SNRNP35: variants seen among roughly 807,000 people sequenced by gnomAD.
SNRNP35 encodes U11/U12 small nuclear ribonucleoprotein 35 kDa protein.
In SNRNP35, 16 loss-of-function variants were observed where a neutral mutation model predicts 24.3. The ratio of observed to expected loss-of-function variants is 0.66; its 90% CI spans 0.45 to 1.00. SNRNP35 has a LOEUF of 1.00. Ranked by LOEUF, SNRNP35 falls within the 50% of genes least tolerant of loss-of-function variation. SNRNP35 has a pLI of 0.00. For synonymous variants in SNRNP35, 106 were observed against 124.8 expected, an observed-to-expected ratio of 0.85 and a Z score of 1.00; for missense variants, 292 against 327.2, an observed-to-expected ratio of 0.89 and a Z score of 0.83.
At position 123,465,395 on chromosome 12, in the gene SNRNP35, GA is replaced by G. The variant is rs1880889220; in HGVS notation, c.-3-142del. ...GTCTCCCCCACTTACTAGCAGGGAG[GA>G]CTTAGCCTCTGTGGGTGTTCCCTTC... On this transcript the variant is annotated intron_variant, in intron 1 of 1. Transcript: ENST00000526639. This position sits in a 1 kb window ranked among gnomAD's most constrained non-coding sequence, Gnocchi z 4.2. The G allele has an allele frequency of 1.0e-6, 1 of 971,786 alleles. No individual in the cohort carries two copies. The highest frequency in any genetic ancestry group is 2.8e-5 in the East Asian group (1 of 36,018). The allele number at this position is 971,786 out of a possible 1,614,324, so 60.2% of individuals were successfully genotyped here.
chr12:123,472,765 A>G (rs1881283094), exon 2 of SNRNP35: 1 of 1,447,694 alleles, frequency 6.9e-7, no homozygotes, highest in Non-Finnish European at 9.4e-7. Context: ...GGAGACATAT[A>G]GCAGCAAACT....
chr12:123,472,653 C>G, exon 2 of SNRNP35: 1 of 1,598,436 alleles, frequency 6.3e-7, no homozygotes, highest in Non-Finnish European at 8.5e-7. Context: ...GTTGGCCAGG[C>G]GCTTCTTATC....
intron 1 of SNRNP35, chr12:123,464,998 G>A (rs570861934): frequency 6.6e-6 from 1 of 152,270 alleles, no homozygotes; most frequent in Admixed American, 6.5e-5. Flanking sequence ...TTATCTGGGG[G>A]CAGATTATTC....
chr12:123,472,486 T>G, exon 2 of SNRNP35: 1 of 1,546,328 alleles, frequency 6.5e-7, no homozygotes, highest in Non-Finnish European at 8.7e-7. Context: ...GCAGTTCGGT[T>G]GCAGGCGCTG....
Position 123,458,190 on chromosome 12 carries a change from T to G in SNRNP35, c.-30T>G. ...GCCTGCAGCTGCTCGCCTGTCTCCG[T>G]CGGAAGGGAGCCCAAGCTTTGCAGA... On this transcript the variant is annotated 5_prime_UTR_variant, in exon 1 of 2. Transcript: ENST00000526639. The G allele has an allele frequency of 1.0e-6, 1 of 985,352 alleles. No homozygotes were observed. The highest frequency in any genetic ancestry group is 1.2e-6 in the Non-Finnish European group (1 of 829,964). 61.0% of individuals were successfully genotyped at this position (985,352 alleles called of 1,614,324 possible). A position where few individuals can be genotyped will look rare whatever the true frequency, so the allele number is the denominator to read the frequency against.
rs1880972592 is a variant in SNRNP35 at position 123,466,191 on chromosome 12, C to T, written c.651C>T (p.Thr217=). 1.3e-6 allele frequency: 2 copies of T among 1,598,016 alleles called. No homozygotes were observed. Among genetic ancestry groups the T allele is most frequent in the Admixed American group, 1.8e-5 (1 of 56,702 alleles). Residue 217 remains threonine, a synonymous_variant, in exon 2 of 2, where the codon ACC becomes ACT. Transcript: ENST00000526639. ...REKRWQEREP[T]RVWPDNDWER... is the part of the protein sequence containing the mutation. ...AGAGATGGCAAGAAAGAGAGCCGAC[C>T]AGGGTGTGGCCCGACAATGACTGGG...
rs922755892 is a variant in SNRNP35, at chr12:123,465,735, C to A, written c.195C>A (p.Asp65Glu). 3 of 1,613,696 alleles carry A rather than the reference C, an allele frequency of 1.9e-6. No homozygotes were observed. In the African/African-American group the frequency reaches 4.0e-5, roughly 22 times the overall value. ...VARLNLQTKE[D>E]KLKEVFSRYG... ...GACTAAACTTGCAGACCAAGGAGGA[C>A]AAATTAAAGGAAGTCTTTTCCCGCT... is the stretch of plus-strand genomic sequence containing the variant. The change falls in exon 2 of 2, where the codon GAC becomes GAA. Residue 65 changes from aspartate (D) to glutamate (E), a missense_variant. Coordinates refer to ENST00000526639, the MANE Select transcript of SNRNP35 (RefSeq NM_022717.4). This position sits in a 1 kb window ranked among gnomAD's most constrained non-coding sequence, Gnocchi z 4.2.
chr12:123,461,984 T>C (rs909535424), intron 1 of SNRNP35, among the ~76,000 whole-genome samples: 12 of 152,142 alleles, frequency 7.9e-5, no homozygotes, highest in Non-Finnish European at 1.6e-4. Flanking sequence ...CCTCCCAAGA[T>C]GCTGGGATTA....
At position 123,466,218 on chromosome 12, in the gene SNRNP35, G is replaced by C; in HGVS notation, c.678G>C (p.Glu226Asp). ...GGGTGTGGCCCGACAATGACTGGGA[G>C]AGAGAGAGGGACTTCAGAGATGACA... The part of the protein sequence containing the change: ...PTRVWPDNDW[E>D]RERDFRDDRI... Residue 226 changes from glutamate to aspartate, a missense_variant, in exon 2 of 2, where the codon GAG becomes GAC. Coordinates refer to ENST00000526639, the MANE Select transcript of SNRNP35 (RefSeq NM_022717.4). 6.4e-7 allele frequency: 1 copy of C among 1,560,002 alleles called. No individual in the cohort carries two copies.
At chr12:123,470,690 A>C (rs1357577707), downstream of SNRNP35, 1 of 152,288 alleles carries the variant, frequency 6.6e-6, no homozygotes, top group African/African-American at 2.4e-5. Flanking sequence ...AGGCTCAGGC[A>C]TGAGAATTGC....
At chr12:123,463,650 T>G (rs1001034928) in intron 1 of SNRNP35, among the ~76,000 whole-genome samples, 1 of 152,146 alleles carries the variant, frequency 6.6e-6, no homozygotes, top group Non-Finnish European at 1.5e-5. Context: ...TCTGCCCACC[T>G]TGGCCTCCCA....
intron 1 of SNRNP35, among the ~76,000 whole-genome samples, chr12:123,463,783 G>C (rs1316260224): frequency 7.3e-6 from 1 of 137,770 alleles, no homozygotes. Context: ...TTTTTTTTTT[G>C]AGACAGAGCC....
chr12:123,472,199 A>G (rs1027514376), exon 2 of SNRNP35: 5 of 269,724 alleles, frequency 1.9e-5, no homozygotes, highest in Non-Finnish European at 3.6e-5. Flanking sequence ...TCAAACAGCA[A>G]TGATAGTGGC....
chr12:123,466,255 A>C lies in SNRNP35; in HGVS notation c.715A>C (p.Arg239=), dbSNP rs1880978436. ...RDFRDDRIKG[R]EKKERGK ...CTTCAGAGATGACAGGATCAAGGGG[A>C]GGGAGAAGAAGGAAAGAGGCAAGTA... is the stretch of plus-strand genomic sequence containing the variant. Residue 239 remains arginine (R), a synonymous_variant, in exon 2 of 2, where the codon AGG becomes CGG. Coordinates refer to ENST00000526639, the MANE Select transcript of SNRNP35 (RefSeq NM_022717.4). 6.6e-7 allele frequency: 1 copy of C among 1,523,134 alleles called. No individual in the cohort carries two copies. Among genetic ancestry groups the C allele is most frequent in the South Asian group, 1.3e-5 (1 of 75,388 alleles). 94.4% of individuals were successfully genotyped at this position (1,523,134 alleles called of 1,614,324 possible). A position where few individuals can be genotyped will look rare whatever the true frequency, so the allele number is the denominator to read the frequency against.
At chr12:123,461,783 G>A (rs559757858) in intron 1 of SNRNP35, among the ~76,000 whole-genome samples, 82 of 150,336 alleles carry the variant, frequency 5.5e-4, no homozygotes, top group Admixed American at 1.7e-3. Context: ...GTGCAGTGGC[G>A]CAATTTCAGC....
chr12:123,470,620 C>T (rs1275520386), downstream of SNRNP35: 1 of 151,936 alleles, frequency 6.6e-6, no homozygotes, highest in Non-Finnish European at 1.5e-5. Context: ...CCCGTCTTTA[C>T]TAAAAATACA....
At chr12:123,460,602 C>CAA (rs35255989) in intron 1 of SNRNP35, among the ~76,000 whole-genome samples, 1,564 of 78,594 alleles carry the variant, frequency 0.02, 62 homozygotes, top group East Asian at 0.053. Flanking sequence ...CCCATCTCTA[C>CAA]AAAAAAAAAA....
At chr12:123,459,851 C>A (rs764440141) in intron 1 of SNRNP35, 1 of 1,591,632 alleles carries the variant, frequency 6.3e-7, no homozygotes, top group Admixed American at 1.8e-5. Context: ...CTAATGCTGC[C>A]GGGGAGGAAG....
intron 1 of SNRNP35, among the ~76,000 whole-genome samples, chr12:123,463,209 C>T (rs548783697): frequency 1.3e-5 from 2 of 151,712 alleles, no homozygotes; most frequent in East Asian, 2.0e-4. Context: ...TACAGGCGTG[C>T]ACCACCATGC....
Sources: allele counts gnomAD v4.1 joint callset (sites outside exome capture counted in the v4.1 genomes callset), GRCh38; gene constraint gnomAD v4.1.1; non-coding constraint Gnocchi (gnomAD v3.1); transcripts MANE v1.5; gene names NCBI Gene and HGNC (gene_info 2026-07-23, HGNC 2026-07-21).